The following PHF21A variants were observed in gnomAD, a reference collection of about 807,000 sequenced individuals.
PHF21A encodes BHC80a.
A neutral mutation model predicts 82.5 loss-of-function variants in PHF21A; 11 were observed. The ratio of observed to expected loss-of-function variants is 0.13; its 90% CI spans 0.08 to 0.22. PHF21A has a LOEUF of 0.22. PHF21A is among the 10% of genes least tolerant of loss of function. The pLI is 1.00. For synonymous variants in PHF21A, 297 were observed against 302.8 expected (o/e 0.98, Z 0.20); for missense variants, 579 against 837.8 (o/e 0.69, Z 3.81).
intron 18 of PHF21A, chr11:45,935,225 A>T (rs1198548571): frequency 7.7e-7 from 1 of 1,294,618 alleles, no homozygotes; most frequent in Non-Finnish European, 1.0e-6. Flanking sequence ...GGCCGTACGG[A>T]TGGGCCCACT....
chr11:46,050,565 T>C (rs965378306), intron 6 of PHF21A, among the ~76,000 whole-genome samples: 2 of 152,206 alleles, frequency 1.3e-5, no homozygotes, highest in Admixed American at 1.3e-4. Context: ...TAAGCATCTC[T>C]GGGAGGGGAA....
At chr11:46,109,028 A>G (rs1475972313) in intron 1 of PHF21A, among the ~76,000 whole-genome samples, 1 of 152,240 alleles carries the variant, frequency 6.6e-6, no homozygotes, top group Non-Finnish European at 1.5e-5. Flanking sequence ...AATCAACATG[A>G]AACAGCCTCA....
intron 1 of PHF21A, among the ~76,000 whole-genome samples, chr11:46,115,239 G>A (rs2097274053): frequency 6.6e-6 from 1 of 152,014 alleles, no homozygotes; most frequent in South Asian, 2.1e-4. Flanking sequence ...AGAGTCCAAA[G>A]GATGGCTGAA....
intron 1 of PHF21A, among the ~76,000 whole-genome samples, chr11:46,108,232 CTAGAA>C (rs1356772298): frequency 1.3e-5 from 2 of 151,968 alleles, no homozygotes. Context: ...TAAGTAGCTA[CTAGAA>C]TAAACTAGAA....
chr11:46,111,920 A>G (rs2097218721), intron 1 of PHF21A, among the ~76,000 whole-genome samples: 1 of 152,252 alleles, frequency 6.6e-6, no homozygotes, highest in Non-Finnish European at 1.5e-5. Context: ...TAAACACAAC[A>G]GAATTTTTCC....
Position 46,096,483 on chromosome 11 carries a change from T to G in PHF21A, c.-236-4260A>C, listed in dbSNP as rs139290675. 5.9e-5 allele frequency among the ~76,000 whole-genome samples: 9 copies of G among 152,264 alleles called. 1 individual carries two copies. The East Asian group carries it at 1.7e-3, about 29-fold the overall frequency. ...TGAAGATCACCAATGATTTAACAGT[T>G]GTTAAATCCAACAGAAAATAGTCTT... On this transcript the variant is annotated intron_variant, in intron 1 of 18. Coordinates refer to ENST00000676320, the MANE Select transcript of PHF21A (RefSeq NM_001352027.3).
intron 3 of PHF21A, among the ~76,000 whole-genome samples, chr11:46,085,591 T>A (rs1176417023): frequency 6.6e-6 from 1 of 152,206 alleles, no homozygotes; most frequent in Non-Finnish European, 1.5e-5. Flanking sequence ...CCTATAAAGC[T>A]TGTAGCTAGA....
At chr11:46,066,113 C>A (rs982012630) in intron 6 of PHF21A, among the ~76,000 whole-genome samples, 1 of 152,062 alleles carries the variant, frequency 6.6e-6, no homozygotes, top group African/African-American at 2.4e-5. Context: ...ACAAAATAAG[C>A]CAGACAGAAA....
At chr11:46,028,237 T>C in intron 6 of PHF21A, among the ~76,000 whole-genome samples, 1 of 152,188 alleles carries the variant, frequency 6.6e-6, no homozygotes, top group South Asian at 2.1e-4. Flanking sequence ...ATTTCAATTT[T>C]CAAGTACATG....
intron 6 of PHF21A, among the ~76,000 whole-genome samples, chr11:46,017,255 G>T (rs2095535594): frequency 6.6e-6 from 1 of 152,232 alleles, no homozygotes; most frequent in African/African-American, 2.4e-5. Context: ...ACAGGCGTGA[G>T]CCACCACGCC....
chr11:45,980,496 G>C (rs1289560799), intron 6 of PHF21A, among the ~76,000 whole-genome samples: 1 of 152,112 alleles, frequency 6.6e-6, no homozygotes, highest in Non-Finnish European at 1.5e-5. Flanking sequence ...GCACATTGTT[G>C]ATCATTATTA....
intron 16 of PHF21A, among the ~76,000 whole-genome samples, chr11:45,937,642 G>A (rs572546952): frequency 2.6e-5 from 4 of 152,114 alleles, no homozygotes; most frequent in African/African-American, 4.8e-5. Context: ...CACCATGCCC[G>A]GCTAATTTTT....
At chr11:45,951,854 T>G (rs903286428) in intron 11 of PHF21A, among the ~76,000 whole-genome samples, 11 of 149,654 alleles carry the variant, frequency 7.4e-5, no homozygotes, top group African/African-American at 2.5e-4. Context: ...TCACCCAGGC[T>G]GCAATACAGT....
At chr11:46,058,105 G>A (rs574475425) in intron 6 of PHF21A, among the ~76,000 whole-genome samples, 13 of 152,230 alleles carry the variant, frequency 8.5e-5, no homozygotes, top group Admixed American at 7.8e-4. Flanking sequence ...ACTTAAACCT[G>A]CAGAAAACAG....
intron 6 of PHF21A, among the ~76,000 whole-genome samples, chr11:46,074,417 A>G (rs1349486690): frequency 6.6e-6 from 1 of 151,328 alleles, no homozygotes; most frequent in African/African-American, 2.4e-5. Flanking sequence ...AGTGGAAGGA[A>G]AATTGGTTAG....
At chr11:45,963,020 A>G (rs2093203749) in intron 10 of PHF21A, among the ~76,000 whole-genome samples, 1 of 152,182 alleles carries the variant, frequency 6.6e-6, no homozygotes, top group Admixed American at 6.5e-5. Context: ...GAAGGCCACG[A>G]CAGGAAAAGA....
intron 1 of PHF21A, among the ~76,000 whole-genome samples, chr11:46,099,572 C>CACACACACCCT: frequency 9.0e-6 from 1 of 111,490 alleles, no homozygotes; most frequent in South Asian, 3.5e-4. Context: ...ACCCTAAACA[C>CACACACACCCT]AAACACAAAC....
intron 7 of PHF21A, among the ~76,000 whole-genome samples, chr11:45,977,399 AG>A (rs2094084475): frequency 6.6e-6 from 1 of 152,092 alleles, no homozygotes; most frequent in Non-Finnish European, 1.5e-5. Context: ...GGCCTCCCAA[AG>A]TGTTGGGATT....
At chr11:46,106,785 A>G (rs560268355) in intron 1 of PHF21A, among the ~76,000 whole-genome samples, 1 of 152,344 alleles carries the variant, frequency 6.6e-6, no homozygotes, top group African/African-American at 2.4e-5. Flanking sequence ...TGCCATCTCA[A>G]TGGGAGTAGA....
Sources: gnomAD v4.1 joint callset for allele counts (sites outside exome capture counted in the v4.1 genomes callset) on GRCh38, gnomAD v4.1.1 for gene constraint, MANE v1.5 for transcripts, NCBI Gene and HGNC (gene_info 2026-07-23, HGNC 2026-07-21) for gene names.